SCFD1: variants seen among roughly 807,000 people sequenced by gnomAD.
The protein encoded by SCFD1 is sec1 family domain-containing protein 1.
SCFD1 carries 37 observed loss-of-function variants against 103.2 expected under a neutral mutation model. The ratio of observed to expected loss-of-function variants is 0.36; its 90% CI spans 0.28 to 0.47. The LOEUF is 0.47. Among genes scored for constraint, SCFD1 ranks in the 20% least tolerant of loss-of-function variants. The pLI, the probability that SCFD1 is intolerant of heterozygous loss-of-function variation, is 1.00. For synonymous variants in SCFD1, 264 were observed against 245.0 expected, an observed-to-expected ratio of 1.08 and a Z score of -0.73; for missense variants, 639 against 761.2, an observed-to-expected ratio of 0.84 and a Z score of 1.89.
chr14:30,652,077 A>G (rs1466409667), intron 9 of SCFD1, among the ~76,000 whole-genome samples: 2 of 152,194 alleles, frequency 1.3e-5, no homozygotes, highest in Admixed American at 1.3e-4. Flanking sequence ...CTGGTAAATC[A>G]TAGTAGATCG....
chr14:30,627,899 G>C (rs1196570584), intron 1 of SCFD1, among the ~76,000 whole-genome samples: 3 of 148,050 alleles, frequency 2.0e-5, no homozygotes, highest in African/African-American at 7.5e-5. Context: ...TATGCTTTCA[G>C]CCAGACAGTA....
At chr14:30,625,599 TTA>T (rs1883311871) in intron 1 of SCFD1, among the ~76,000 whole-genome samples, 1 of 74,428 alleles carries the variant, frequency 1.3e-5, no homozygotes, top group African/African-American at 8.8e-5. Flanking sequence ...ATCCTTTTTG[TTA>T]TAGGTATAGG....
intron 14 of SCFD1, among the ~76,000 whole-genome samples, chr14:30,691,793 G>C (rs1215871079): frequency 6.6e-6 from 1 of 152,072 alleles, no homozygotes; most frequent in Non-Finnish European, 1.5e-5. Context: ...TTCATTAGAA[G>C]CTGATGTTAA....
chr14:30,643,676 G>A (rs1885517188), intron 7 of SCFD1, among the ~76,000 whole-genome samples: 1 of 152,048 alleles, frequency 6.6e-6, no homozygotes. Context: ...GCTTGGTGGT[G>A]ACTTCACCTA....
intron 23 of SCFD1, among the ~76,000 whole-genome samples, chr14:30,733,825 TAA>T (rs1449413806): frequency 6.6e-6 from 1 of 152,202 alleles, no homozygotes; most frequent in Non-Finnish European, 1.5e-5. Flanking sequence ...CAGAGAGGCA[TAA>T]AAGACCTCTC....
intron 23 of SCFD1, among the ~76,000 whole-genome samples, chr14:30,724,564 T>A (rs1213831764): frequency 6.6e-6 from 1 of 152,106 alleles, no homozygotes; most frequent in Non-Finnish European, 1.5e-5. Flanking sequence ...GGGGTAGTTT[T>A]TTCTTGTAAA....
chr14:30,709,624 C>T (rs1267638987), intron 19 of SCFD1, among the ~76,000 whole-genome samples: 2 of 152,188 alleles, frequency 1.3e-5, no homozygotes, highest in African/African-American at 4.8e-5. Context: ...TTTTCTTACT[C>T]GTTCGTAGTA....
At chr14:30,625,738 G>C (rs1482321287) in intron 1 of SCFD1, among the ~76,000 whole-genome samples, 1 of 151,332 alleles carries the variant, frequency 6.6e-6, no homozygotes, top group Non-Finnish European at 1.5e-5. Flanking sequence ...TATATCAATA[G>C]GTATATTGAT....
At position 30,719,386 on chromosome 14, in the gene SCFD1, C is replaced by A. The variant is rs1303218442; in HGVS notation, c.1736+9C>A. ...CTGCGGGGCAATGACAGGTAAGCAG[C>A]TTTTGTCTTGTTTAACTTGTGGATT... On this transcript the variant is annotated intron_variant, in intron 21 of 24. Coordinates refer to ENST00000458591, the MANE Select transcript of SCFD1 (RefSeq NM_016106.4). 1 of 1,600,938 alleles carries A rather than the reference C, an allele frequency of 6.2e-7. No individual in the cohort carries two copies. The highest frequency in any genetic ancestry group is 1.3e-5 in the African/African-American group (1 of 74,142).
At chr14:30,651,529 T>G in intron 9 of SCFD1, among the ~76,000 whole-genome samples, 1 of 151,878 alleles carries the variant, frequency 6.6e-6, no homozygotes. Flanking sequence ...AAAATGTTTC[T>G]CATTAGGTAG....
intron 19 of SCFD1, among the ~76,000 whole-genome samples, chr14:30,714,376 AG>A (rs1446576161): frequency 2.1e-4 from 31 of 145,768 alleles, no homozygotes; most frequent in Admixed American, 5.5e-4. Context: ...AAAAAAAAAA[AG>A]GTAAAATTTT....
chr14:30,629,571 G>T (rs1025827194), intron 2 of SCFD1, among the ~76,000 whole-genome samples: 2 of 149,978 alleles, frequency 1.3e-5, no homozygotes, highest in Non-Finnish European at 3.0e-5. Flanking sequence ...ACTCTTTAGG[G>T]ACTTAATTTT....
chr14:30,675,579 T>C (rs1268554818), intron 14 of SCFD1, among the ~76,000 whole-genome samples: 1 of 152,230 alleles, frequency 6.6e-6, no homozygotes, highest in Non-Finnish European at 1.5e-5. Context: ...GTTCTTTTTC[T>C]CATTACCGTG....
chr14:30,652,133 G>A (rs1297825955), intron 9 of SCFD1, among the ~76,000 whole-genome samples: 1 of 152,122 alleles, frequency 6.6e-6, no homozygotes, highest in Non-Finnish European at 1.5e-5. Context: ...ATGCAGTTAG[G>A]AAATCCACTG....
chr14:30,681,031 G>A (rs749733790), intron 14 of SCFD1, among the ~76,000 whole-genome samples: 3 of 152,034 alleles, frequency 2.0e-5, no homozygotes, highest in Non-Finnish European at 2.9e-5. Flanking sequence ...CCAGGAGACC[G>A]GCCTGGCCAA....
intron 14 of SCFD1, among the ~76,000 whole-genome samples, chr14:30,679,969 T>C (rs150531064): frequency 1.2e-4 from 19 of 152,332 alleles, no homozygotes; most frequent in Admixed American, 1.2e-3. Context: ...GATTAGTTAC[T>C]ATGAGAATCT....
At chr14:30,717,076 A>G (rs1022136416) in intron 20 of SCFD1, among the ~76,000 whole-genome samples, 1 of 152,236 alleles carries the variant, frequency 6.6e-6, no homozygotes, top group African/African-American at 2.4e-5. Flanking sequence ...CTGCTTCCTA[A>G]TAGGCAATAA....
intron 23 of SCFD1, among the ~76,000 whole-genome samples, chr14:30,724,244 G>GTTTTTTT (rs1268662400): frequency 8.6e-5 from 11 of 127,228 alleles, no homozygotes; most frequent in African/African-American, 3.4e-4. Context: ...CTTTTTTATG[G>GTTTTTTT]GTTTTTTTTT....
rs773111937 is a variant in SCFD1 at position 30,719,310 on chromosome 14, T to G, written c.1684-15T>G. On this transcript the variant is annotated splice_polypyrimidine_tract_variant and intron_variant, in intron 20 of 24. Coordinates refer to ENST00000458591, the MANE Select transcript of SCFD1 (RefSeq NM_016106.4). Reference sequence around the variant, plus strand: ...AAATTCCACAGTCATGGTAAAGTTCTATTTTTTTTAATAGGAAACTGATGA... The same window carrying G: ...AAATTCCACAGTCATGGTAAAGTTCGATTTTTTTTAATAGGAAACTGATGA... 6.4e-7 allele frequency: 1 copy of G among 1,566,026 alleles called. No homozygotes were observed. The highest frequency in any genetic ancestry group is 8.7e-7 in the Non-Finnish European group (1 of 1,145,972).
Sources: gnomAD v4.1 joint callset for allele counts (sites outside exome capture counted in the v4.1 genomes callset) on GRCh38, gnomAD v4.1.1 for gene constraint, MANE v1.5 for transcripts, NCBI Gene and HGNC (gene_info 2026-07-23, HGNC 2026-07-21) for gene names.